ST8SIA1: variants seen among roughly 807,000 people sequenced by gnomAD.
ST8SIA1 encodes alpha-N-acetylneuraminide alpha-2,8-sialyltransferase.
Under a neutral mutation model 35.9 loss-of-function variants are expected in ST8SIA1, and 16 were observed. The observed-to-expected ratio is 0.45, with a 90% CI of 0.30 to 0.68. The LOEUF is 0.68. Ranked by LOEUF, ST8SIA1 falls within the 30% of genes least tolerant of loss-of-function variation. The pLI is 0.09. For missense variants in ST8SIA1, 383 were observed against 453.6 expected (o/e 0.84, Z 1.41); for synonymous variants, 170 against 169.6 (o/e 1.00, Z -0.02).
chr12:22,211,986 C>T (rs1213895562), intron 4 of ST8SIA1, among the ~76,000 whole-genome samples: 1 of 152,194 alleles, frequency 6.6e-6, no homozygotes, highest in Non-Finnish European at 1.5e-5. Flanking sequence ...ACTGGGATTA[C>T]AGGCATGAGC....
chr12:22,202,058 C>A lies in ST8SIA1; in HGVS notation c.585-20G>T. 4 of 1,535,780 alleles carry A rather than the reference C, an allele frequency of 2.6e-6. No individual in the cohort carries two copies. Among genetic ancestry groups the A allele is most frequent in the Non-Finnish European group, 3.5e-6 (4 of 1,149,720 alleles). Reference sequence around the variant, plus strand: ...TGAAACCTATTGAAGAAAAAAAAAACTGTTCAATTAAACCTAGAGAAAAAG... The same window carrying A: ...TGAAACCTATTGAAGAAAAAAAAAAATGTTCAATTAAACCTAGAGAAAAAG... On this transcript the variant is annotated intron_variant, in intron 4 of 4. Transcript: ENST00000396037.
chr12:22,317,235 G>C (rs954588443), intron 1 of ST8SIA1, among the ~76,000 whole-genome samples: 2 of 152,202 alleles, frequency 1.3e-5, no homozygotes, highest in Non-Finnish European at 2.9e-5. Flanking sequence ...TCTACTGATA[G>C]ACGTTGTGGG....
intron 1 of ST8SIA1, among the ~76,000 whole-genome samples, chr12:22,313,785 G>A (rs1028614679): frequency 6.6e-6 from 1 of 152,186 alleles, no homozygotes; most frequent in African/African-American, 2.4e-5. Flanking sequence ...GTTGCCAGCA[G>A]GAAGGTGCCC....
chr12:22,202,950 C>T (rs1459487126), intron 4 of ST8SIA1, among the ~76,000 whole-genome samples: 2 of 152,222 alleles, frequency 1.3e-5, no homozygotes, highest in African/African-American at 2.4e-5. Context: ...GTGCTAATGG[C>T]GGCAGCAGTG....
rs543925254 is a variant in ST8SIA1, at chr12:22,327,701, A to G, written c.236+6296T>C. The stretch of plus-strand genomic sequence containing the variant: ...AGTGAAAATCTTAAACAGCTGTTAT[A>G]TTACTTTCAACAGAGACGGTTGCTT... On this transcript the variant is annotated intron_variant, in intron 1 of 4. Coordinates refer to ENST00000396037, the MANE Select transcript of ST8SIA1 (RefSeq NM_003034.4). Among the ~76,000 whole-genome samples, 3 of 152,284 alleles carry G rather than the reference A, an allele frequency of 2.0e-5. No homozygotes were observed. The South Asian group carries it at 6.2e-4, about 32-fold the overall frequency.
chr12:22,232,795 C>T (rs952687284), intron 4 of ST8SIA1, among the ~76,000 whole-genome samples: 5 of 151,824 alleles, frequency 3.3e-5, no homozygotes, highest in African/African-American at 4.8e-5. Context: ...GCCAAGATCT[C>T]GCCACTGCAC....
chr12:22,296,759 G>C (rs1288559197), intron 1 of ST8SIA1, among the ~76,000 whole-genome samples: 1 of 152,164 alleles, frequency 6.6e-6, no homozygotes, highest in Non-Finnish European at 1.5e-5. Flanking sequence ...ATTCACTTCT[G>C]GAGGCTTGAG....
chr12:22,217,671 A>G (rs2300716), intron 4 of ST8SIA1, among the ~76,000 whole-genome samples: 4,873 of 152,322 alleles, frequency 0.032, 230 homozygotes, highest in South Asian at 0.15. Context: ...GTTCATATGT[A>G]TAACACACTT....
chr12:22,227,059 T>G (rs537996992), intron 4 of ST8SIA1, among the ~76,000 whole-genome samples: 16 of 151,964 alleles, frequency 1.1e-4, no homozygotes, highest in African/African-American at 3.9e-4. Flanking sequence ...GATTCTCCTG[T>G]CTCGGCCTCC....
At chr12:22,332,232 G>C (rs1310793739) in intron 1 of ST8SIA1, among the ~76,000 whole-genome samples, 1 of 152,152 alleles carries the variant, frequency 6.6e-6, no homozygotes, top group African/African-American at 2.4e-5. Flanking sequence ...TGCACATAGA[G>C]ACCAGACCAG....
At chr12:22,209,290 T>C (rs549304858) in intron 4 of ST8SIA1, among the ~76,000 whole-genome samples, 10 of 151,746 alleles carry the variant, frequency 6.6e-5, no homozygotes, top group African/African-American at 2.4e-4. Flanking sequence ...ACACAAACAA[T>C]AAAAATTAAT....
intron 2 of ST8SIA1, among the ~76,000 whole-genome samples, chr12:22,276,440 C>A (rs7961947): frequency 0.093 from 14,117 of 152,214 alleles, 806 homozygotes; most frequent in East Asian, 0.15. Flanking sequence ...GAGCACCCCC[C>A]AAACACGCAA....
intron 4 of ST8SIA1, among the ~76,000 whole-genome samples, chr12:22,232,739 T>A (rs898551621): frequency 6.6e-6 from 1 of 152,120 alleles, no homozygotes; most frequent in African/African-American, 2.4e-5. Context: ...CTCAGGAGGC[T>A]GAGGCAGGAG....
At chr12:22,308,794 G>A (rs189070120) in intron 1 of ST8SIA1, among the ~76,000 whole-genome samples, 2 of 152,090 alleles carry the variant, frequency 1.3e-5, no homozygotes, top group African/African-American at 4.8e-5. Context: ...CTTCTTATAA[G>A]TCTCCCTTCC....
At chr12:22,210,213 T>A (rs1327985830) in intron 4 of ST8SIA1, among the ~76,000 whole-genome samples, 1 of 152,136 alleles carries the variant, frequency 6.6e-6, no homozygotes, top group Admixed American at 6.5e-5. Flanking sequence ...GATTATCATA[T>A]ATACATATCA....
intron 2 of ST8SIA1, among the ~76,000 whole-genome samples, chr12:22,279,095 T>C (rs1282990366): frequency 6.6e-6 from 1 of 152,184 alleles, no homozygotes; most frequent in Non-Finnish European, 1.5e-5. Flanking sequence ...AAAATTCTAC[T>C]CATTTATCCA....
chr12:22,327,190 A>G (rs934996709), intron 1 of ST8SIA1, among the ~76,000 whole-genome samples: 2 of 152,232 alleles, frequency 1.3e-5, no homozygotes, highest in Non-Finnish European at 2.9e-5. Flanking sequence ...CAACAAACCG[A>G]TAAAACATGT....
chr12:22,290,486 G>T (rs115683966), intron 1 of ST8SIA1, among the ~76,000 whole-genome samples: 197 of 152,264 alleles, frequency 1.3e-3, no homozygotes, highest in African/African-American at 4.2e-3. Flanking sequence ...GATATAAAAT[G>T]GAATTTAAAA....
Position 22,321,792 on chromosome 12 carries a change from C to T in ST8SIA1, c.236+12205G>A, listed in dbSNP as rs142057671. On this transcript the variant is annotated intron_variant, in intron 1 of 4. Transcript: ENST00000396037. ...GTTTTTACCCCAAATTGAGACTCAG[C>T]TCACTGCCTACTGACTCAGCTCACC... Among the ~76,000 whole-genome samples the T allele has an allele frequency of 2.0e-5, 3 of 152,312 alleles. No homozygotes were observed. In the East Asian group the frequency reaches 5.8e-4, roughly 29 times the overall value.
Sources: allele counts gnomAD v4.1 joint callset (sites outside exome capture counted in the v4.1 genomes callset), GRCh38; gene constraint gnomAD v4.1.1; transcripts MANE v1.5; gene names NCBI Gene and HGNC (gene_info 2026-07-23, HGNC 2026-07-21).